OPN1MW: variants seen among roughly 807,000 people sequenced by gnomAD.
OPN1MW encodes medium-wave-sensitive opsin 1.
In OPN1MW, 1 loss-of-function variant was observed where a neutral mutation model predicts 7.6. The ratio of observed to expected loss-of-function variants is 0.13; its 90% CI spans 0.05 to 0.62. The LOEUF (loss-of-function observed/expected upper bound fraction) is 0.62. OPN1MW is among the 20% of genes least tolerant of loss of function. The pLI is 0.87. For synonymous variants in OPN1MW, 11 were observed against 51.7 expected (o/e 0.21, Z 3.38); for missense variants, 16 against 122.7 (o/e 0.13, Z 4.11).
Position 154,193,573 on chromosome X carries a change from G to C in OPN1MW, c.910G>C (p.Ala304Pro). The change falls in exon 5 of 6, where the codon GCT (alanine) becomes CCT (proline). Residue 304 changes from alanine to proline, a missense_variant. Transcript: ENST00000595290. ...TGGCTACCCCTTCCACCCTTTGATG[G>C]CTGCCCTGCCGGCCTTCTTTGCCAA... The part of the protein sequence containing the change: ...NPGYPFHPLM[A>P]ALPAFFAKSA... 1 of 1,069,454 alleles carries C rather than the reference G, an allele frequency of 9.4e-7. No homozygotes were observed. The highest frequency in any genetic ancestry group is 1.2e-6 in the Non-Finnish European group (1 of 807,234). The allele number at this position is 1,069,454 out of a possible 1,213,427, so 88.1% of individuals were successfully genotyped here. A position where few individuals can be genotyped will look rare whatever the true frequency, so the allele number is the denominator to read the frequency against.
rs2067116520 is a variant in OPN1MW, at chrX:154,193,528, T to C, written c.865T>C (p.Cys289Arg). 1 of 1,030,848 alleles carries C rather than the reference T, an allele frequency of 9.7e-7. No individual in the cohort carries two copies. Among genetic ancestry groups the C allele is most frequent in the Non-Finnish European group, 1.3e-6 (1 of 779,463 alleles). 85.0% of individuals were successfully genotyped at this position (1,030,848 alleles called of 1,213,427 possible). A position where few individuals can be genotyped will look rare whatever the true frequency, so the allele number is the denominator to read the frequency against. ...FCWGPYAFFA[C>R]FAAANPGYPF... ...CTGGGGACCATACGCCTTCTTCGCA[T>C]GCTTTGCTGCTGCCAACCCTGGCTA... The change falls in exon 5 of 6, where the codon TGC (cysteine) becomes CGC (arginine). Residue 289 changes from cysteine to arginine, a missense_variant. By Grantham distance (180) the Cys-to-Arg change is radical. Transcript: ENST00000595290.
rs782523552 is a variant in OPN1MW at position 154,193,568 on chromosome X, T to A, written c.905T>A (p.Leu302Ter). ...AANPGYPFHP[L>*]MAALPAFFAK... ...AACCCTGGCTACCCCTTCCACCCTT[T>A]GATGGCTGCCCTGCCGGCCTTCTTT... Residue 302 changes from leucine (L) to a stop codon, truncating the protein, a stop_gained, in exon 5 of 6, where the codon TTG (leucine) becomes TAG (stop). Transcript: ENST00000595290. LOFTEE classifies it high-confidence loss of function. 1.9e-6 allele frequency: 2 copies of A among 1,066,265 alleles called. No homozygotes were observed. Among genetic ancestry groups the A allele is most frequent in the South Asian group, 3.9e-5 (2 of 51,296 alleles). 87.9% of individuals were successfully genotyped at this position (1,066,265 alleles called of 1,213,427 possible). A position where few individuals can be genotyped will look rare whatever the true frequency, so the allele number is the denominator to read the frequency against.
chrX:154,193,466 G>A lies in OPN1MW; in HGVS notation c.803G>A (p.Arg268His), dbSNP rs782812659. Residue 268 changes from arginine to histidine, a missense_variant, in exon 5 of 6, where the codon CGC becomes CAC. Physicochemically the swap from Arg to His is conservative, Grantham distance 29. Transcript: ENST00000595290. ...CAGAAGGCAGAGAAGGAAGTGACGCGCATGGTGGTGGTGATGGTCCTGGCA... is the reference window on the plus strand; with the variant it reads ...CAGAAGGCAGAGAAGGAAGTGACGCACATGGTGGTGGTGATGGTCCTGGCA... ...STQKAEKEVT[R>H]MVVVMVLAFC... 12 of 1,028,480 alleles carry A rather than the reference G, an allele frequency of 1.2e-5. 1 individual carries two copies. The highest frequency in any genetic ancestry group is 3.3e-5 in the East Asian group (1 of 30,612). 84.8% of individuals were successfully genotyped at this position (1,028,480 alleles called of 1,213,427 possible). A position where few individuals can be genotyped will look rare whatever the true frequency, so the allele number is the denominator to read the frequency against.
chrX:154,186,684 A>G (rs1324613061), intron 1 of OPN1MW, among the ~76,000 whole-genome samples: 1 of 94,000 alleles, frequency 1.1e-5, no homozygotes, highest in African/African-American at 3.5e-5. Flanking sequence ...GAAAAGAATA[A>G]AAGAGAAATT....
chrX:154,186,627 G>C (rs1341335091), intron 1 of OPN1MW, among the ~76,000 whole-genome samples: 1 of 98,419 alleles, frequency 1.0e-5, no homozygotes, highest in Non-Finnish European at 2.1e-5. Flanking sequence ...CTGGGTGACA[G>C]AGCAAGACTT....
At position 154,191,862 on chromosome X, in the gene OPN1MW, C is replaced by T; in HGVS notation, c.744+9C>T. 4.7e-5 allele frequency: 1 copy of T among 21,077 alleles called. No individual in the cohort carries two copies. The highest frequency in any genetic ancestry group is 8.5e-5 in the Non-Finnish European group (1 of 11,814). The allele number at this position is 21,077 out of a possible 1,213,427, so 1.7% of individuals were successfully genotyped here. A position where few individuals can be genotyped will look rare whatever the true frequency, so the allele number is the denominator to read the frequency against. ...GGCTGGCCATCCGAGCGGTAAGCCC[C>T]CCGATTCCTCCTGGCCTCACCCGCC... On this transcript the variant is annotated intron_variant, in intron 4 of 5. Transcript: ENST00000595290.
At chrX:154,186,655 A>G (rs1263661599) in intron 1 of OPN1MW, among the ~76,000 whole-genome samples, 64 of 100,914 alleles carry the variant, frequency 6.3e-4, no homozygotes, top group African/African-American at 1.9e-3. Context: ...AAAAAAAAAA[A>G]AAAAGAAAAG....
rs1438754530 is a variant in OPN1MW, at chrX:154,191,305, T to C, written c.579-383T>C. Reference sequence around the variant, plus strand: ...GTGTTCCAGGCTAGTCTTGAACTCCTGGGCTCGAGCAATCCTCCTACCTCT... The same window carrying C: ...GTGTTCCAGGCTAGTCTTGAACTCCCGGGCTCGAGCAATCCTCCTACCTCT... On this transcript the variant is annotated intron_variant, in intron 3 of 5. Transcript: ENST00000595290. 1.1e-3 allele frequency among the ~76,000 whole-genome samples: 106 copies of C among 93,140 alleles called. 2 individuals carry two copies. Among genetic ancestry groups the C allele is most frequent in the African/African-American group, 3.8e-3 (106 of 28,208 alleles). 80.9% of individuals were successfully genotyped at this position (93,140 alleles called of 115,157 possible).
rs2067116530 is a variant in OPN1MW, at chrX:154,193,529, G to A, written c.866G>A (p.Cys289Tyr). Residue 289 changes from cysteine (C) to tyrosine (Y), a missense_variant, in exon 5 of 6, where the codon TGC becomes TAC. Transcript: ENST00000595290. ...TGGGGACCATACGCCTTCTTCGCAT[G>A]CTTTGCTGCTGCCAACCCTGGCTAC... The part of the protein sequence containing the change: ...FCWGPYAFFA[C>Y]FAAANPGYPF... 2 of 1,033,135 alleles carry A rather than the reference G, an allele frequency of 1.9e-6. No homozygotes were observed. The highest frequency in any genetic ancestry group is 2.6e-6 in the Non-Finnish European group (2 of 780,165). 85.1% of individuals were successfully genotyped at this position (1,033,135 alleles called of 1,213,427 possible). A position where few individuals can be genotyped will look rare whatever the true frequency, so the allele number is the denominator to read the frequency against.
intron 3 of OPN1MW, among the ~76,000 whole-genome samples, chrX:154,191,253 T>A (rs1478639732): frequency 2.1e-5 from 2 of 93,231 alleles, no homozygotes; most frequent in African/African-American, 7.0e-5. Flanking sequence ...TAATTTTTTT[T>A]ATTTTTTGTA....
At chrX:154,186,891 TA>T (rs1172830016) in intron 1 of OPN1MW, among the ~76,000 whole-genome samples, 5 of 44,777 alleles carry the variant, frequency 1.1e-4, no homozygotes, top group African/African-American at 3.1e-4. Context: ...TTGTTTTAAT[TA>T]AAAAAAAATT....
At chrX:154,186,660 GA>G (rs1217048267) in intron 1 of OPN1MW, among the ~76,000 whole-genome samples, 3 of 90,664 alleles carry the variant, frequency 3.3e-5, no homozygotes, top group Non-Finnish European at 6.7e-5. Flanking sequence ...AAAAAAAAAA[GA>G]AAAGAAAGAA....
chrX:154,186,488 G>C (rs2067106007), intron 1 of OPN1MW, among the ~76,000 whole-genome samples: 1 of 100,852 alleles, frequency 9.9e-6, no homozygotes, highest in African/African-American at 3.5e-5. Context: ...TGCCATTGTG[G>C]TAATGCACGG....
intron 3 of OPN1MW, among the ~76,000 whole-genome samples, chrX:154,191,227 C>T (rs1429928134): frequency 1.1e-5 from 1 of 88,998 alleles, no homozygotes; most frequent in African/African-American, 3.6e-5. Context: ...CCTACAGGTG[C>T]ACCACTTCAC....
Sources: allele counts gnomAD v4.1 joint callset (sites outside exome capture counted in the v4.1 genomes callset), GRCh38; gene constraint gnomAD v4.1.1; transcripts MANE v1.5; gene names NCBI Gene and HGNC (gene_info 2026-07-23, HGNC 2026-07-21).